The following CD247 variants were observed in gnomAD, a reference collection of about 807,000 sequenced individuals.
CD247 encodes T-cell surface glycoprotein CD3 zeta chain.
In CD247, 13 loss-of-function variants were observed where a neutral mutation model predicts 30.0. That is an observed-to-expected ratio of 0.43 (90% CI 0.28 to 0.69). The LOEUF (loss-of-function observed/expected upper bound fraction) is 0.69. CD247 is among the 30% of genes least tolerant of loss of function. CD247 has a pLI of 0.16. For synonymous variants in CD247, 72 were observed against 80.0 expected (o/e 0.90, Z 0.53); for missense variants, 193 against 212.6 (o/e 0.91, Z 0.57).
chr1:167,431,571 GA>G lies in CD247; in HGVS notation c.*109del. 2 of 896,690 alleles carry G rather than the reference GA, an allele frequency of 2.2e-6. No homozygotes were observed. The allele number at this position is 896,690 out of a possible 1,614,324, so 55.5% of individuals were successfully genotyped here. On this transcript the variant is annotated 3_prime_UTR_variant, in exon 8 of 8. Transcript: ENST00000362089. The stretch of plus-strand genomic sequence containing the variant: ...ACCAAAGCATCCTGTACATAAAGGG[GA>G]ATACTTCAGTGGCTGAGAAGAGTGA...
At chr1:167,463,082 G>A (rs536884975) in intron 1 of CD247, among the ~76,000 whole-genome samples, 2 of 152,236 alleles carry the variant, frequency 1.3e-5, no homozygotes, top group East Asian at 1.9e-4. Context: ...GGCAGTCGCC[G>A]GGCCATCCCA....
At chr1:167,461,662 A>G (rs1478773529) in intron 1 of CD247, among the ~76,000 whole-genome samples, 1 of 152,160 alleles carries the variant, frequency 6.6e-6, no homozygotes, top group Non-Finnish European at 1.5e-5. Context: ...ACCCTGGCCA[A>G]TATGGTGAAA....
intron 1 of CD247, chr1:167,448,220 A>G (rs61806157): frequency 3.2e-6 from 1 of 316,638 alleles, no homozygotes; most frequent in Non-Finnish European, 4.6e-6. Context: ...AGTGACTCTG[A>G]TTTCACAGCT....
intron 1 of CD247, among the ~76,000 whole-genome samples, chr1:167,514,349 G>A (rs557021972): frequency 3.9e-4 from 59 of 152,212 alleles, no homozygotes; most frequent in African/African-American, 1.4e-3. Flanking sequence ...ACATTGGCCA[G>A]GCTGGTCTCA....
intron 1 of CD247, among the ~76,000 whole-genome samples, chr1:167,509,759 T>C (rs532771114): frequency 1.3e-5 from 2 of 152,168 alleles, no homozygotes; most frequent in South Asian, 2.1e-4. Context: ...ATGTCAACAG[T>C]GGGTCTGGGA....
intron 1 of CD247, among the ~76,000 whole-genome samples, chr1:167,462,480 C>A (rs185695430): frequency 3.3e-5 from 5 of 152,314 alleles, no homozygotes; most frequent in Non-Finnish European, 5.9e-5. Flanking sequence ...GGGACCTAGG[C>A]GTCTCTGCAT....
intron 1 of CD247, among the ~76,000 whole-genome samples, chr1:167,499,908 C>T (rs749216477): frequency 6.6e-6 from 1 of 152,150 alleles, no homozygotes; most frequent in Non-Finnish European, 1.5e-5. Flanking sequence ...ATTTTGCATA[C>T]AGTAATTTAC....
At chr1:167,476,259 T>C (rs202074871) in intron 1 of CD247, among the ~76,000 whole-genome samples, 2 of 152,258 alleles carry the variant, frequency 1.3e-5, no homozygotes, top group East Asian at 1.9e-4. Context: ...ACTCTGAATC[T>C]TGGCTTCTCT....
intron 1 of CD247, among the ~76,000 whole-genome samples, chr1:167,466,684 A>G (rs1653263205): frequency 6.6e-6 from 1 of 152,214 alleles, no homozygotes; most frequent in East Asian, 1.9e-4. Flanking sequence ...AATGAATGCC[A>G]TGCAGCAATT....
chr1:167,439,804 C>T (rs1235148204), intron 2 of CD247: 1 of 259,332 alleles, frequency 3.9e-6, no homozygotes, highest in Non-Finnish European at 7.7e-6. Flanking sequence ...ATCCCGCCTC[C>T]TATCTTGACC....
chr1:167,518,280 T>A lies in CD247; in HGVS notation c.58+128A>T, dbSNP rs369912390. 2.2e-5 allele frequency: 19 copies of A among 856,258 alleles called. No homozygotes were observed. In the African/African-American group the frequency reaches 2.6e-4, roughly 12 times the overall value. The allele number at this position is 856,258 out of a possible 1,614,324, so 53.0% of individuals were successfully genotyped here. A position where few individuals can be genotyped will look rare whatever the true frequency, so the allele number is the denominator to read the frequency against. On this transcript the variant is annotated intron_variant, in intron 1 of 7. Transcript: ENST00000362089. ...GGACCCCTCACTGCTCACTTGCCCA[T>A]TGATTTGAGGAGGGCAGGATTTGAA...
In CD247 at chr1:167,474,503, G is replaced by C. The variant is rs563824305; in HGVS notation, c.59-33736C>G. Among the ~76,000 whole-genome samples the C allele has an allele frequency of 6.9e-4, 105 of 152,152 alleles. 3 individuals are homozygous for C. Among genetic ancestry groups the C allele is most frequent in the Admixed American group, 2.0e-4 (3 of 15,288 alleles). Reference sequence around the variant, plus strand: ...AACAGTGGCCAGGCAGGAATGATGAGAGTCATGCCACAGAAAAGATCTTTA... The same window carrying C: ...AACAGTGGCCAGGCAGGAATGATGACAGTCATGCCACAGAAAAGATCTTTA... On this transcript the variant is annotated intron_variant, in intron 1 of 7. Transcript: ENST00000362089.
In CD247 at chr1:167,517,735, G is replaced by A. The variant is rs948411090; in HGVS notation, c.58+673C>T. 2.6e-5 allele frequency among the ~76,000 whole-genome samples: 4 copies of A among 152,286 alleles called. No homozygotes were observed. The East Asian group carries it at 5.8e-4, about 22-fold the overall frequency. ...TGAGTCACGGAGCCTGGGATGGTGC[G>A]TCACCCGGCAGTCCCAGGCGTGGGT... On this transcript the variant is annotated intron_variant, in intron 1 of 7. Coordinates refer to ENST00000362089, the MANE Select transcript of CD247 (RefSeq NM_198053.3).
At position 167,431,874 on chromosome 1, in the gene CD247, A is replaced by T. The variant is rs189198029; in HGVS notation, c.430-128T>A. The T allele has an allele frequency of 0.022, 17,499 of 811,836 alleles. 260 individuals carry two copies. The highest frequency in any genetic ancestry group is 0.028 in the Middle Eastern group (99 of 3,520). 50.3% of individuals were successfully genotyped at this position (811,836 alleles called of 1,614,324 possible). A position where few individuals can be genotyped will look rare whatever the true frequency, so the allele number is the denominator to read the frequency against. The stretch of plus-strand genomic sequence containing the variant: ...CCACCCACCCAGCCTCCAGAGGCCC[A>T]GGAATAATCCCCCTGGCCCCACGGG... On this transcript the variant is annotated intron_variant, in intron 7 of 7. Coordinates refer to ENST00000362089, the MANE Select transcript of CD247 (RefSeq NM_198053.3).
chr1:167,467,015 A>G (rs922484838), intron 1 of CD247, among the ~76,000 whole-genome samples: 3 of 151,588 alleles, frequency 2.0e-5, no homozygotes, highest in Non-Finnish European at 2.9e-5. Flanking sequence ...AATTTTTTGT[A>G]TTTTTAGTAG....
chr1:167,434,866 G>A, intron 5 of CD247: 1 of 464,226 alleles, frequency 2.2e-6, no homozygotes, highest in South Asian at 1.5e-5. Context: ...GGTCTGGACA[G>A]ACAAAGACCA....
intron 4 of CD247, among the ~76,000 whole-genome samples, chr1:167,437,918 C>A (rs1474206779): frequency 6.6e-6 from 1 of 152,016 alleles, no homozygotes; most frequent in Non-Finnish European, 1.5e-5. Context: ...TGTTAATTAG[C>A]TTAATTTAAT....
At position 167,494,560 on chromosome 1, in the gene CD247, G is replaced by A. The variant is rs182944442; in HGVS notation, c.58+23848C>T. Among the ~76,000 whole-genome samples the A allele has an allele frequency of 4.3e-4, 66 of 152,244 alleles. No individual in the cohort carries two copies. Among genetic ancestry groups the A allele is most frequent in the South Asian group, 3.5e-3 (17 of 4,818 alleles). The stretch of plus-strand genomic sequence containing the variant: ...TGAGGGTCAGATGAGAAAATGGGTG[G>A]GGAGGTAATAATTAGTGAACAGCAC... On this transcript the variant is annotated intron_variant, in intron 1 of 7. Transcript: ENST00000362089. This position sits in a 1 kb window ranked among gnomAD's most constrained non-coding sequence, Gnocchi z 7.3.
chr1:167,434,146 G>C, intron 5 of CD247, 70 bp from the exon 6 acceptor site: 1 of 1,442,758 alleles, frequency 6.9e-7, no homozygotes, highest in Non-Finnish European at 9.8e-7. Context: ...CCCTACAACA[G>C]GAAGCTTCTT....
Sources: gnomAD v4.1 joint callset for allele counts (sites outside exome capture counted in the v4.1 genomes callset) on GRCh38, gnomAD v4.1.1 for gene constraint, Gnocchi (gnomAD v3.1) non-coding constraint, MANE v1.5 for transcripts, NCBI Gene and HGNC (gene_info 2026-07-23, HGNC 2026-07-21) for gene names.